Variants in PRR5L observed in about 807,000 individuals in gnomAD.
The protein encoded by PRR5L is proline rich 5 like.
A neutral mutation model predicts 36.4 loss-of-function variants in PRR5L; 21 were observed. That is an observed-to-expected ratio of 0.58 (90% CI 0.41 to 0.83). The LOEUF is 0.83. PRR5L is among the 40% of genes least tolerant of loss of function. The pLI, the probability that PRR5L is intolerant of heterozygous loss-of-function variation, is 0.00. For missense variants in PRR5L, 381 were observed against 473.3 expected (o/e 0.80, Z 1.81); for synonymous variants, 188 against 197.0 (o/e 0.95, Z 0.38).
chr11:36,454,193 T>C (rs909144598), intron 8 of PRR5L: 1 of 152,014 alleles, frequency 6.6e-6, no homozygotes, highest in Non-Finnish European at 1.5e-5. Context: ...CCACCCCCAC[T>C]GACCGCTGCT....
intron 1 of PRR5L, among the ~76,000 whole-genome samples, chr11:36,298,027 G>T (rs992256842): frequency 3.9e-5 from 6 of 152,202 alleles, no homozygotes; most frequent in African/African-American, 1.4e-4. Flanking sequence ...GCACAATCTT[G>T]TGGATACTTC....
chr11:36,435,456 G>A (rs1385544750), intron 5 of PRR5L, among the ~76,000 whole-genome samples: 1 of 152,176 alleles, frequency 6.6e-6, no homozygotes. Flanking sequence ...CCAATGGGGA[G>A]AGACTTTCCC....
chr11:36,387,616 G>A (rs1048098567), intron 1 of PRR5L, among the ~76,000 whole-genome samples: 1 of 152,186 alleles, frequency 6.6e-6, no homozygotes, highest in Non-Finnish European at 1.5e-5. Context: ...GGGGCTGAAT[G>A]CACAGCCAGA....
At chr11:36,371,583 C>CT in intron 1 of PRR5L, among the ~76,000 whole-genome samples, 1 of 152,146 alleles carries the variant, frequency 6.6e-6, no homozygotes, top group Non-Finnish European at 1.5e-5. Context: ...TCAGGGCCTC[C>CT]TTTTTTCCAT....
At chr11:36,441,613 T>A (rs554477234) in intron 6 of PRR5L, among the ~76,000 whole-genome samples, 2 of 152,320 alleles carry the variant, frequency 1.3e-5, no homozygotes, top group Non-Finnish European at 2.9e-5. Flanking sequence ...TTCTTGGGTC[T>A]AGAGGGCAAG....
At chr11:36,433,051 A>T (rs966480984) in intron 5 of PRR5L, among the ~76,000 whole-genome samples, 1 of 152,084 alleles carries the variant, frequency 6.6e-6, no homozygotes, top group Non-Finnish European at 1.5e-5. Context: ...TTTCAACCTT[A>T]TAAATACCCA....
chr11:36,421,583 C>G (rs1017624408), intron 4 of PRR5L, among the ~76,000 whole-genome samples: 7 of 151,860 alleles, frequency 4.6e-5, no homozygotes, highest in African/African-American at 4.8e-5. Context: ...GGGCACACAG[C>G]TTTTTTTTCT....
At chr11:36,408,841 C>A (rs1163194398) in intron 3 of PRR5L, among the ~76,000 whole-genome samples, 1 of 152,136 alleles carries the variant, frequency 6.6e-6, no homozygotes, top group African/African-American at 2.4e-5. Context: ...CTTTGAAGAA[C>A]CTGCTTGCCA....
rs1021660804 is a variant in PRR5L at position 36,353,690 on chromosome 11, C to A, written c.-125-47307C>A. Among the ~76,000 whole-genome samples, 5 of 152,150 alleles carry A rather than the reference C, an allele frequency of 3.3e-5. No homozygotes were observed. In the South Asian group the frequency reaches 1.0e-3, roughly 31 times the overall value. On this transcript the variant is annotated intron_variant, in intron 1 of 8. Transcript: ENST00000530639. ...CATAAGGAGCACACAACCTATATCC[C>A]TCACATGTGCAGTTCACAATAGGGT... is the stretch of plus-strand genomic sequence containing the variant.
At chr11:36,347,603 G>C (rs897525787) in intron 1 of PRR5L, among the ~76,000 whole-genome samples, 1 of 151,962 alleles carries the variant, frequency 6.6e-6, no homozygotes. Flanking sequence ...AGTGGAGCTT[G>C]CTGAGCCTGA....
intron 2 of PRR5L, 102 bp downstream of exon 2, chr11:36,401,387 C>T (rs914600771): frequency 7.8e-6 from 9 of 1,151,212 alleles, no homozygotes; most frequent in East Asian, 5.0e-5. Flanking sequence ...CTGGGAAGGC[C>T]GTGATTATGG....
At chr11:36,430,244 T>C (rs1858465444) in intron 4 of PRR5L, among the ~76,000 whole-genome samples, 1 of 152,076 alleles carries the variant, frequency 6.6e-6, no homozygotes, top group Non-Finnish European at 1.5e-5. Flanking sequence ...ACCCCGTCTC[T>C]ACCAAAAAAG....
intron 3 of PRR5L, among the ~76,000 whole-genome samples, chr11:36,409,603 G>A (rs778185669): frequency 6.6e-6 from 1 of 152,198 alleles, no homozygotes; most frequent in Non-Finnish European, 1.5e-5. Flanking sequence ...TAGGGGGGAA[G>A]AGCTGGGAGG....
At chr11:36,382,634 C>T (rs1474104847) in intron 1 of PRR5L, among the ~76,000 whole-genome samples, 1 of 152,206 alleles carries the variant, frequency 6.6e-6, no homozygotes, top group Non-Finnish European at 1.5e-5. Flanking sequence ...CCCACCTTGG[C>T]CCTATTGATG....
At chr11:36,365,060 C>T (rs577143970) in intron 1 of PRR5L, among the ~76,000 whole-genome samples, 14 of 152,292 alleles carry the variant, frequency 9.2e-5, no homozygotes, top group Non-Finnish European at 1.6e-4. Flanking sequence ...TAGTCTGGGC[C>T]TGGTACTTAA....
chr11:36,378,590 G>T (rs972993552), intron 1 of PRR5L, among the ~76,000 whole-genome samples: 3 of 152,076 alleles, frequency 2.0e-5, no homozygotes, highest in African/African-American at 7.3e-5. Context: ...GTTTCTCAAG[G>T]GTGGGACCTC....
intron 3 of PRR5L, among the ~76,000 whole-genome samples, chr11:36,409,071 G>A (rs1429316655): frequency 6.6e-6 from 1 of 152,162 alleles, no homozygotes; most frequent in Non-Finnish European, 1.5e-5. Context: ...CGCTTTTAGA[G>A]GGGTGATGGT....
At chr11:36,353,963 G>C (rs1303525230) in intron 1 of PRR5L, among the ~76,000 whole-genome samples, 3 of 152,290 alleles carry the variant, frequency 2.0e-5, no homozygotes, top group Non-Finnish European at 1.5e-5. Context: ...AAGGGAAAAA[G>C]GAGAGAAGCC....
At chr11:36,440,988 T>G (rs375443972) in intron 6 of PRR5L, among the ~76,000 whole-genome samples, 2 of 152,216 alleles carry the variant, frequency 1.3e-5, no homozygotes, top group African/African-American at 4.8e-5. Flanking sequence ...AAGCTGTTCA[T>G]GAGGGATCTG....
Sources: gnomAD v4.1 joint callset for allele counts (sites outside exome capture counted in the v4.1 genomes callset) on GRCh38, gnomAD v4.1.1 for gene constraint, MANE v1.5 for transcripts, NCBI Gene and HGNC (gene_info 2026-07-23, HGNC 2026-07-21) for gene names.